The following GLB1 variants were observed in gnomAD, a reference collection of about 807,000 sequenced individuals.
The protein encoded by GLB1 is beta-galactosidase.
Under a neutral mutation model 74.0 loss-of-function variants are expected in GLB1, and 56 were observed. The observed-to-expected ratio is 0.76, with a 90% confidence interval of 0.61 to 0.94. The LOEUF (loss-of-function observed/expected upper bound fraction) is 0.94, where lower values mean the gene tolerates loss of function less well. Ranked by LOEUF, GLB1 falls within the 40% of genes least tolerant of loss-of-function variation. GLB1 has a pLI of 0.00. For missense variants in GLB1, 787 were observed against 845.5 expected, an observed-to-expected ratio of 0.93 and a Z score of 0.86; for synonymous variants, 323 against 323.6, an observed-to-expected ratio of 1.00 and a Z score of 0.02.
chr3:33,070,357 A>G (rs181418794), intron 2 of GLB1, among the ~76,000 whole-genome samples: 2 of 152,322 alleles, frequency 1.3e-5, no homozygotes, highest in African/African-American at 4.8e-5. Flanking sequence ...TAAACTGTCT[A>G]TAGAGAAAGA....
At chr3:32,991,809 T>C (rs1377532865), downstream of GLB1, among the ~76,000 whole-genome samples, 1 of 152,220 alleles carries the variant, frequency 6.6e-6, no homozygotes, top group Non-Finnish European at 1.5e-5. Flanking sequence ...ATGGTTCTGG[T>C]ACCCAGCAGA....
chr3:33,050,967 G>T (rs886765589), intron 9 of GLB1, among the ~76,000 whole-genome samples: 1 of 152,120 alleles, frequency 6.6e-6, no homozygotes, highest in Admixed American at 6.5e-5. Flanking sequence ...AGTGGCTCAC[G>T]CCTGTAATCC....
rs139685195 is a variant in GLB1, at chr3:33,093,786, C to A, written c.75+3225G>T. 15 of 1,612,924 alleles carry A rather than the reference C, an allele frequency of 9.3e-6. No homozygotes were observed. The African/African-American group carries it at 1.7e-4, about 19-fold the overall frequency. On this transcript the variant is annotated intron_variant, in intron 1 of 15. Coordinates refer to ENST00000307363, the MANE Select transcript of GLB1 (RefSeq NM_000404.4). This position sits in a 1 kb window ranked among gnomAD's most constrained non-coding sequence, Gnocchi z 6.0. ...CAAGAGCTGGTAGGCCTGCTCCATG[C>A]CGCTGAGGATGAAGAGGAAGAAGAG...
chr3:33,022,226 A>C (rs1328747322), intron 11 of GLB1, among the ~76,000 whole-genome samples: 1 of 152,146 alleles, frequency 6.6e-6, no homozygotes, highest in Admixed American at 6.6e-5. Flanking sequence ...TTCCATTCTC[A>C]GCCCCAATGC....
intron 10 of GLB1, among the ~76,000 whole-genome samples, chr3:33,043,483 G>A (rs927170711): frequency 4.6e-5 from 7 of 151,590 alleles, no homozygotes; most frequent in African/African-American, 1.5e-4. Context: ...GAAGAGGGGG[G>A]AAAGAAATAA....
chr3:33,005,063 G>C (rs902131233), intron 15 of GLB1, among the ~76,000 whole-genome samples: 1 of 152,130 alleles, frequency 6.6e-6, no homozygotes, highest in East Asian at 1.9e-4. Flanking sequence ...GTTTGGGCAC[G>C]CAAGTCAGGA....
At chr3:33,057,967 G>A in intron 6 of GLB1, 122 bp downstream of exon 6, 5 of 1,348,302 alleles carry the variant, frequency 3.7e-6, no homozygotes, top group Non-Finnish European at 5.2e-6. Context: ...CCTGTTCCTT[G>A]AAAAATGAAA....
At chr3:33,032,552 C>T (rs1326024172) in intron 10 of GLB1, among the ~76,000 whole-genome samples, 1 of 151,400 alleles carries the variant, frequency 6.6e-6, no homozygotes, top group East Asian at 2.0e-4. Context: ...CAAATCCTAT[C>T]AATTTTACCT....
the GLB1 span, among the ~76,000 whole-genome samples, chr3:32,973,341 A>G: frequency 6.7e-6 from 1 of 148,738 alleles, no homozygotes; most frequent in Non-Finnish European, 1.5e-5. Context: ...ACATAATTGC[A>G]TTTTTTTTTT....
At chr3:33,043,726 G>C (rs370107051) in intron 10 of GLB1, among the ~76,000 whole-genome samples, 3 of 37,842 alleles carry the variant, frequency 7.9e-5, no homozygotes, top group Non-Finnish European at 2.2e-4. Flanking sequence ...AGGGACACAT[G>C]TAAACAGAAC....
chr3:33,084,259 G>T (rs1390712461), intron 1 of GLB1, among the ~76,000 whole-genome samples: 1 of 152,176 alleles, frequency 6.6e-6, no homozygotes, highest in African/African-American at 2.4e-5. Flanking sequence ...GGATGGAAGG[G>T]TATTTGCATA....
At chr3:32,991,215 C>T in the GLB1 span, among the ~76,000 whole-genome samples, 1 of 152,066 alleles carries the variant, frequency 6.6e-6, no homozygotes, top group Admixed American at 6.5e-5. Context: ...CAGTTAATAT[C>T]TGGTGAGACC....
intron 10 of GLB1, chr3:33,034,700 A>G (rs1311585978): frequency 2.8e-6 from 2 of 721,026 alleles, no homozygotes; most frequent in East Asian, 2.8e-5. Context: ...CAATAAGGTG[A>G]CCCTGAGGAA....
chr3:32,961,975 C>T, the GLB1 span, among the ~76,000 whole-genome samples: 1 of 152,178 alleles, frequency 6.6e-6, no homozygotes, highest in African/African-American at 2.4e-5. Flanking sequence ...GCAGGCGGAT[C>T]ACTGGAGGTC....
chr3:33,055,549 C>T (rs1699181849), intron 6 of GLB1, among the ~76,000 whole-genome samples: 1 of 148,656 alleles, frequency 6.7e-6, no homozygotes, highest in African/African-American at 2.5e-5. Flanking sequence ...CAACCTCTGG[C>T]TCCCGGGTTC....
At chr3:32,970,384 C>T in the GLB1 span, among the ~76,000 whole-genome samples, 1 of 152,016 alleles carries the variant, frequency 6.6e-6, no homozygotes, top group African/African-American at 2.4e-5. Flanking sequence ...CCGGCCACCC[C>T]CCATTATAAG....
intron 10 of GLB1, chr3:33,034,342 T>C: frequency 1.3e-6 from 1 of 756,466 alleles, no homozygotes. Context: ...GCTAGGCCCC[T>C]GCTGTTGTAC....
intron 10 of GLB1, among the ~76,000 whole-genome samples, chr3:33,027,004 C>T (rs1697792467): frequency 6.6e-6 from 1 of 152,250 alleles, no homozygotes; most frequent in African/African-American, 2.4e-5. Flanking sequence ...AGAGCTGTAA[C>T]ACAAATAGGG....
the GLB1 span, among the ~76,000 whole-genome samples, chr3:32,974,490 TATCTATCTATATCC>T: frequency 2.0e-5 from 3 of 152,172 alleles, no homozygotes; most frequent in Non-Finnish European, 4.4e-5. Context: ...GTGTCTCTAT[TATCTATCTATATCC>T]ATAAATTTAT....
Sources: allele counts gnomAD v4.1 joint callset (sites outside exome capture counted in the v4.1 genomes callset), GRCh38; gene constraint gnomAD v4.1.1; non-coding constraint Gnocchi (gnomAD v3.1); transcripts MANE v1.5; gene names NCBI Gene and HGNC (gene_info 2026-07-23, HGNC 2026-07-21).